PRR5L: variants seen among roughly 807,000 people sequenced by gnomAD.
The protein encoded by PRR5L is proline rich 5 like, also known as proline-rich protein 5-like.
PRR5L carries 21 observed loss-of-function variants against 36.4 expected under a neutral mutation model. The observed-to-expected ratio is 0.58, with a 90% CI of 0.41 to 0.83. The LOEUF (loss-of-function observed/expected upper bound fraction) is 0.83. Ranked by LOEUF, PRR5L falls within the 40% of genes least tolerant of loss-of-function variation. The probability of loss-of-function intolerance (pLI) is 0.00; values close to 1 mark genes in which losing one functional copy is unlikely to be tolerated. For missense variants in PRR5L, 381 were observed against 473.3 expected, an observed-to-expected ratio of 0.80 and a Z score of 1.81; for synonymous variants, 188 against 197.0, an observed-to-expected ratio of 0.95 and a Z score of 0.38.
At chr11:36,309,167 G>A (rs1424234449) in intron 1 of PRR5L, among the ~76,000 whole-genome samples, 2 of 152,230 alleles carry the variant, frequency 1.3e-5, no homozygotes. Context: ...GGGAGGGAAA[G>A]ACTTGGAGTT....
At chr11:36,447,294 G>A (rs1424026295) in intron 7 of PRR5L, among the ~76,000 whole-genome samples, 1 of 152,216 alleles carries the variant, frequency 6.6e-6, no homozygotes, top group African/African-American at 2.4e-5. Flanking sequence ...CCTCAGTTAG[G>A]AAGAGGCAGT....
intron 1 of PRR5L, among the ~76,000 whole-genome samples, chr11:36,384,314 A>G (rs577639739): frequency 1.2e-3 from 189 of 152,250 alleles, no homozygotes; most frequent in Admixed American, 2.5e-3. Flanking sequence ...TTCTGCCTCA[A>G]TCTTGTCTCA....
intron 6 of PRR5L, among the ~76,000 whole-genome samples, chr11:36,443,621 C>T (rs1366365100): frequency 6.6e-6 from 1 of 152,198 alleles, no homozygotes; most frequent in Non-Finnish European, 1.5e-5. Context: ...TTGCATATGA[C>T]ACACAGTAAG....
chr11:36,412,525 T>C (rs1022359017), intron 3 of PRR5L, among the ~76,000 whole-genome samples: 6 of 152,164 alleles, frequency 3.9e-5, no homozygotes, highest in Non-Finnish European at 7.4e-5. Flanking sequence ...GGCCTGAGCC[T>C]CAAAGGAGCT....
At position 36,463,519 on chromosome 11, in the gene PRR5L, C is replaced by G. The variant is rs1340890564; in HGVS notation, c.*783C>G. The G allele has an allele frequency of 1.3e-5, 2 of 152,572 alleles. No individual in the cohort carries two copies. Among genetic ancestry groups the G allele is most frequent in the African/African-American group, 4.8e-5 (2 of 41,430 alleles). 9.5% of individuals were successfully genotyped at this position (152,572 alleles called of 1,614,324 possible). On this transcript the variant is annotated 3_prime_UTR_variant, in exon 9 of 9. Coordinates refer to ENST00000530639, the MANE Select transcript of PRR5L (RefSeq NM_001160167.2). ...AGAAGCTGGTGCCTCTTGTCTCTCT[C>G]ATTTCAGAAACGGACTTTCTCATCA...
chr11:36,332,676 A>G (rs1856730909), intron 1 of PRR5L, among the ~76,000 whole-genome samples: 1 of 151,838 alleles, frequency 6.6e-6, no homozygotes, highest in African/African-American at 2.4e-5. Flanking sequence ...TGGCTTTGTG[A>G]CCTTCCCTTG....
rs563340054 is a variant in PRR5L, at chr11:36,451,299, G to A, written c.676G>A (p.Gly226Arg). 29 of 1,614,196 alleles carry A rather than the reference G, an allele frequency of 1.8e-5. No individual in the cohort carries two copies. Among genetic ancestry groups the A allele is most frequent in the South Asian group, 5.5e-5 (5 of 91,086 alleles). ...GGTTTCTCCTTTCCTCGGCATCAGC[G>A]GGGACCGTAGCTTCTCAGGCCCCAC... ...QVVSPFLGISGDRSFSGPTYT... is the reference protein window; with the variant it reads ...QVVSPFLGISRDRSFSGPTYT... Residue 226 changes from glycine (G) to arginine (R), a missense_variant, in exon 8 of 9, where the codon GGG (glycine) becomes AGG (arginine). By Grantham distance (125) the Gly-to-Arg change is moderately radical. Transcript: ENST00000530639.
At chr11:36,340,733 C>A (rs1856809565) in intron 1 of PRR5L, among the ~76,000 whole-genome samples, 1 of 152,200 alleles carries the variant, frequency 6.6e-6, no homozygotes. Flanking sequence ...GCCCCCTGTG[C>A]TGCCTGAAGC....
chr11:36,428,570 G>A (rs1211821489), intron 4 of PRR5L, among the ~76,000 whole-genome samples: 1 of 152,144 alleles, frequency 6.6e-6, no homozygotes, highest in Non-Finnish European at 1.5e-5. Context: ...GAGTCCTGGG[G>A]CTTGGCTAAC....
intron 3 of PRR5L, 91 bp from the exon 4 acceptor site, chr11:36,419,164 C>A (rs879093167): frequency 8.5e-7 from 1 of 1,182,596 alleles, no homozygotes; most frequent in Non-Finnish European, 1.3e-6. Context: ...TCAGACCTGG[C>A]CCCACCCCGT....
intron 4 of PRR5L, among the ~76,000 whole-genome samples, chr11:36,429,504 C>T (rs560798560): frequency 1.3e-5 from 2 of 152,036 alleles, no homozygotes; most frequent in Admixed American, 6.6e-5. Context: ...CTCAGTTCCC[C>T]CTATCCTCCC....
At chr11:36,432,783 T>G (rs766096766) in intron 5 of PRR5L, among the ~76,000 whole-genome samples, 3 of 152,082 alleles carry the variant, frequency 2.0e-5, no homozygotes, top group African/African-American at 7.2e-5. Context: ...GATCCAGACT[T>G]ATTAGGTGTC....
At chr11:36,301,823 A>G (rs1048487468) in intron 1 of PRR5L, among the ~76,000 whole-genome samples, 2 of 152,154 alleles carry the variant, frequency 1.3e-5, no homozygotes, top group Non-Finnish European at 2.9e-5. Context: ...GTGATATTAG[A>G]GAATTATTAA....
chr11:36,302,584 G>A (rs775173990), intron 1 of PRR5L, among the ~76,000 whole-genome samples: 1 of 152,014 alleles, frequency 6.6e-6, no homozygotes, highest in South Asian at 2.1e-4. Context: ...TCAGGAGTTC[G>A]AGACCAGCCT....
intron 1 of PRR5L, among the ~76,000 whole-genome samples, chr11:36,383,417 A>C (rs1857403789): frequency 6.6e-6 from 1 of 152,146 alleles, no homozygotes; most frequent in Non-Finnish European, 1.5e-5. Context: ...CGTGGGCCAA[A>C]CTTTGGCATC....
In PRR5L at chr11:36,396,687, A is replaced by T. The variant is rs77141498; in HGVS notation, c.-125-4310A>T. 7.6e-3 allele frequency among the ~76,000 whole-genome samples: 1,164 copies of T among 152,336 alleles called. 27 individuals carry two copies. The highest frequency in any genetic ancestry group is 0.042 in the Admixed American group (636 of 15,302). On this transcript the variant is annotated intron_variant, in intron 1 of 8. Transcript: ENST00000530639. ...TCCTCCAACCCTCAGGTAGTCACTC[A>T]GGGTCATTTCATGTGGGAGGAATTT... is the stretch of plus-strand genomic sequence containing the variant.
chr11:36,449,014 A>G (rs111230751), intron 7 of PRR5L, among the ~76,000 whole-genome samples: 18 of 152,284 alleles, frequency 1.2e-4, no homozygotes, highest in African/African-American at 3.9e-4. Context: ...ACAGACCATT[A>G]AAGATCGTCC....
intron 4 of PRR5L, among the ~76,000 whole-genome samples, chr11:36,426,889 G>A (rs1308687222): frequency 1.3e-5 from 2 of 152,144 alleles, no homozygotes; most frequent in African/African-American, 4.8e-5. Flanking sequence ...GGAAGATGGG[G>A]TTCTCCCTGT....
At chr11:36,380,017 A>G (rs138151912) in intron 1 of PRR5L, among the ~76,000 whole-genome samples, 3,272 of 152,230 alleles carry the variant, frequency 0.021, 177 homozygotes, top group Admixed American at 0.13. Context: ...TGCTCTTTTC[A>G]GTACATTTTG....
Sources: gnomAD v4.1 joint callset for allele counts (sites outside exome capture counted in the v4.1 genomes callset) on GRCh38, gnomAD v4.1.1 for gene constraint, MANE v1.5 for transcripts, NCBI Gene and HGNC (gene_info 2026-07-23, HGNC 2026-07-21) for gene names.